The following SVIL variants were observed in gnomAD, a reference collection of about 807,000 sequenced individuals.
SVIL encodes supervillin.
Under a neutral mutation model 240.4 loss-of-function variants are expected in SVIL, and 101 were observed. That is an observed-to-expected ratio of 0.42 (90% CI 0.36 to 0.50). SVIL has a LOEUF of 0.50. Among genes scored for constraint, SVIL ranks in the 20% least tolerant of loss-of-function variants. SVIL has a pLI of 0.01. For missense variants in SVIL, 2,512 were observed against 2,818.7 expected (o/e 0.89, Z 2.46); for synonymous variants, 999 against 1,100.0 (o/e 0.91, Z 1.82).
At chr10:29,667,086 T>C (rs982406308) in intron 2 of SVIL, among the ~76,000 whole-genome samples, 1 of 152,120 alleles carries the variant, frequency 6.6e-6, no homozygotes, top group Non-Finnish European at 1.5e-5. Context: ...GTGTTTCTTC[T>C]TTTTTTCATC....
At chr10:29,507,188 C>T (rs1028441291) in intron 17 of SVIL, among the ~76,000 whole-genome samples, 1 of 152,038 alleles carries the variant, frequency 6.6e-6, no homozygotes, top group South Asian at 2.1e-4. Flanking sequence ...GGCCTCCCCT[C>T]GCTGAGTCTT....
intron 16 of SVIL, among the ~76,000 whole-genome samples, chr10:29,513,304 C>T (rs1019615406): frequency 2.0e-5 from 3 of 152,244 alleles, no homozygotes; most frequent in African/African-American, 7.2e-5. Context: ...GGCACGGTGG[C>T]TTCCGCCTGT....
intron 36 of SVIL, among the ~76,000 whole-genome samples, chr10:29,460,166 C>T (rs1280403454): frequency 6.6e-6 from 1 of 152,184 alleles, no homozygotes; most frequent in Non-Finnish European, 1.5e-5. Context: ...CTGAAAGTCA[C>T]TTTGGCCAAG....
At position 29,733,742 on chromosome 10, in the gene SVIL, G is replaced by GT. The variant is rs1564373106; in HGVS notation, c.-400+2008dup. ...ACTTTCCAGGCTTGCCCTCATCAGC[G>GT]TGCCTGGCTGCCTCTACCTAGGACG... On this transcript the variant is annotated intron_variant, in intron 1 of 35. Transcript: ENST00000375400. Among the ~76,000 whole-genome samples the GT allele has an allele frequency of 3.3e-5, 5 of 152,326 alleles. No homozygotes were observed. In the South Asian group the frequency reaches 1.0e-3, roughly 32 times the overall value.
intron 5 of SVIL, among the ~76,000 whole-genome samples, chr10:29,554,266 G>A (rs1450628730): frequency 6.6e-6 from 1 of 151,780 alleles, no homozygotes; most frequent in Non-Finnish European, 1.5e-5. Flanking sequence ...AGCTTATCAG[G>A]CCACTGCACT....
chr10:29,673,901 T>A (rs1960001178), intron 2 of SVIL, among the ~76,000 whole-genome samples: 1 of 152,238 alleles, frequency 6.6e-6, no homozygotes, highest in Non-Finnish European at 1.5e-5. Context: ...AAGTTAAGAA[T>A]GGCTCTTGTT....
intron 1 of SVIL, among the ~76,000 whole-genome samples, chr10:29,628,541 G>C (rs1447657456): frequency 6.6e-6 from 1 of 152,170 alleles, no homozygotes; most frequent in Admixed American, 6.5e-5. Context: ...AGAAAGAAAC[G>C]AGAGGCCTCT....
chr10:29,577,849 T>C (rs1301897216), intron 1 of SVIL, among the ~76,000 whole-genome samples: 1 of 152,192 alleles, frequency 6.6e-6, no homozygotes, highest in African/African-American at 2.4e-5. Context: ...AAAATAGTTG[T>C]AAATTTAACC....
chr10:29,484,208 G>C lies in SVIL; in HGVS notation c.4955+448C>G, dbSNP rs1007488835. ...TATAAAGACATAAACATCATCTGCT[G>C]CCAAATAAATCCTGAAATTCGAGGG... On this transcript the variant is annotated intron_variant, in intron 27 of 37. Coordinates refer to ENST00000355867, the MANE Select transcript of SVIL (RefSeq NM_021738.3). The surrounding 1 kb of genome is among the most constrained non-coding windows in gnomAD (Gnocchi z 4.7). Among the ~76,000 whole-genome samples the C allele has an allele frequency of 2.6e-5, 4 of 152,134 alleles. No individual in the cohort carries two copies. The highest frequency in any genetic ancestry group is 9.7e-5 in the African/African-American group (4 of 41,438).
intron 20 of SVIL, 85 bp downstream of exon 20, chr10:29,494,829 T>C: frequency 7.2e-7 from 1 of 1,384,708 alleles, no homozygotes; most frequent in Non-Finnish European, 1.0e-6. Context: ...GACCAAAACT[T>C]CTTTTTTTTG....
chr10:29,486,645 T>C, intron 24 of SVIL, 88 bp from the exon 25 acceptor site: 2 of 1,517,330 alleles, frequency 1.3e-6, no homozygotes, highest in South Asian at 1.2e-5. Flanking sequence ...GGAGAAACAG[T>C]GTGCCTGCAA....
chr10:29,729,751 T>C (rs1294139495), intron 1 of SVIL, among the ~76,000 whole-genome samples: 1 of 143,158 alleles, frequency 7.0e-6, no homozygotes, highest in Non-Finnish European at 1.5e-5. Flanking sequence ...GGAGAACCGC[T>C]TGAACCCAGG....
chr10:29,656,783 A>G (rs1389953367), intron 3 of SVIL, among the ~76,000 whole-genome samples: 1 of 152,186 alleles, frequency 6.6e-6, no homozygotes, highest in Non-Finnish European at 1.5e-5. Flanking sequence ...TGCAGCACCC[A>G]ATTAAAGCCT....
At chr10:29,708,023 C>T (rs112880833) in intron 1 of SVIL, among the ~76,000 whole-genome samples, 1 of 151,540 alleles carries the variant, frequency 6.6e-6, no homozygotes, top group African/African-American at 2.4e-5. Flanking sequence ...TTTGGGAGGC[C>T]GAGGCAGGTG....
At position 29,461,791 on chromosome 10, in the gene SVIL, T is replaced by C. The variant is rs534622338; in HGVS notation, c.6402+486A>G. ...CATAAAAGACAATATTAATGAGATGTTGAGTGATCCCTTATCATAAGGGAG... is the reference window on the plus strand; with the variant it reads ...CATAAAAGACAATATTAATGAGATGCTGAGTGATCCCTTATCATAAGGGAG... On this transcript the variant is annotated intron_variant, in intron 36 of 37. Transcript: ENST00000355867. 1.9e-3 allele frequency among the ~76,000 whole-genome samples: 286 copies of C among 152,288 alleles called. 13 individuals are homozygous for C. In the South Asian group the frequency reaches 0.058, roughly 31 times the overall value.
chr10:29,622,672 C>T (rs1326455292), intron 1 of SVIL, among the ~76,000 whole-genome samples: 3 of 152,268 alleles, frequency 2.0e-5, no homozygotes, highest in South Asian at 2.1e-4. Context: ...ACAAACAAAA[C>T]GCTATTTAAG....
chr10:29,488,563 C>G (rs377380349), intron 23 of SVIL, 38 bp downstream of exon 23: 29 of 1,518,554 alleles, frequency 1.9e-5, no homozygotes, highest in Non-Finnish European at 2.1e-5. Flanking sequence ...ACAGAAACCA[C>G]GGGCCCTGAG....
intron 1 of SVIL, among the ~76,000 whole-genome samples, chr10:29,626,484 A>G (rs1166042661): frequency 1.3e-5 from 2 of 152,206 alleles, no homozygotes; most frequent in African/African-American, 4.8e-5. Flanking sequence ...GCAGTGAACT[A>G]ATAAACTCAA....
intron 29 of SVIL, among the ~76,000 whole-genome samples, chr10:29,474,411 T>A (rs1038321777): frequency 1.6e-4 from 25 of 151,984 alleles, no homozygotes; most frequent in Non-Finnish European, 1.9e-4. Flanking sequence ...CTGGGCAACA[T>A]AGCAAGACCC....
Sources: gnomAD v4.1 joint callset for allele counts (sites outside exome capture counted in the v4.1 genomes callset) on GRCh38, gnomAD v4.1.1 for gene constraint, Gnocchi (gnomAD v3.1) non-coding constraint, MANE v1.5 for transcripts, NCBI Gene and HGNC (gene_info 2026-07-23, HGNC 2026-07-21) for gene names.